The following PAIP1 variants were observed in gnomAD, a reference collection of about 807,000 sequenced individuals.
PAIP1 encodes poly(A) binding protein interacting protein 1, also known as polyadenylate-binding protein-interacting protein 1.
PAIP1 carries 16 observed loss-of-function variants against 61.3 expected under a neutral mutation model. The ratio of observed to expected loss-of-function variants is 0.26; its 90% confidence interval spans 0.18 to 0.40. The LOEUF (loss-of-function observed/expected upper bound fraction) is 0.40, where lower values mean the gene tolerates loss of function less well. Among genes scored for constraint, PAIP1 ranks in the 10% least tolerant of loss-of-function variants. PAIP1 has a pLI of 1.00. For synonymous variants in PAIP1, 187 were observed against 226.2 expected (o/e 0.83, Z 1.56); for missense variants, 416 against 600.9 (o/e 0.69, Z 3.22).
chr5:43,556,359 G>C (rs1748073371), intron 1 of PAIP1: 1 of 1,233,814 alleles, frequency 8.1e-7, no homozygotes, highest in Admixed American at 4.2e-5. Context: ...CCGAGACCGC[G>C]CACCCGGCCC....
intron 8 of PAIP1, among the ~76,000 whole-genome samples, chr5:43,534,260 C>T (rs902567329): frequency 4.0e-5 from 6 of 151,726 alleles, no homozygotes; most frequent in East Asian, 1.9e-4. Flanking sequence ...AGTGCAATGG[C>T]GTGATTTCAG....
chr5:43,542,641 A>T (rs1472660802), intron 4 of PAIP1, among the ~76,000 whole-genome samples: 1 of 152,156 alleles, frequency 6.6e-6, no homozygotes, highest in Non-Finnish European at 1.5e-5. Flanking sequence ...CAAAACCCAA[A>T]TAATGCAAGT....
At chr5:43,548,496 C>T (rs1206335041) in intron 2 of PAIP1, among the ~76,000 whole-genome samples, 1 of 152,092 alleles carries the variant, frequency 6.6e-6, no homozygotes, top group Non-Finnish European at 1.5e-5. Context: ...AATTTCATCA[C>T]GGTATAAATG....
intron 6 of PAIP1, 86 bp downstream of exon 6, chr5:43,536,733 G>T: frequency 3.4e-6 from 2 of 590,350 alleles, no homozygotes; most frequent in Non-Finnish European, 5.7e-6. Context: ...GATAAATCTT[G>T]AATTCATCTG....
intron 2 of PAIP1, among the ~76,000 whole-genome samples, chr5:43,550,217 C>T (rs1747807599): frequency 6.6e-6 from 1 of 152,030 alleles, no homozygotes; most frequent in South Asian, 2.1e-4. Flanking sequence ...GTTAAACATT[C>T]TACTATAATA....
chr5:43,537,417 G>A (rs1385966671), intron 5 of PAIP1, among the ~76,000 whole-genome samples: 1 of 152,052 alleles, frequency 6.6e-6, no homozygotes, highest in African/African-American at 2.4e-5. Context: ...ATGCTCAACA[G>A]TATTTATTTT....
At position 43,529,771 on chromosome 5, in the gene PAIP1, C is replaced by A. The variant is rs79500717; in HGVS notation, c.1346+15G>T. On this transcript the variant is annotated intron_variant, in intron 10 of 10. Transcript: ENST00000306846. Reference sequence around the variant, plus strand: ...CACAGAAATTTCACGAAGTTAGTAACTGAAGAAAACTTACGGATCACCAGC... The same window carrying A: ...CACAGAAATTTCACGAAGTTAGTAAATGAAGAAAACTTACGGATCACCAGC... 1 of 1,352,130 alleles carries A rather than the reference C, an allele frequency of 7.4e-7. No homozygotes were observed. Among genetic ancestry groups the A allele is most frequent in the Non-Finnish European group, 1.1e-6 (1 of 942,446 alleles). 83.8% of individuals were successfully genotyped at this position (1,352,130 alleles called of 1,614,324 possible).
At chr5:43,545,474 T>C (rs1040447432) in intron 3 of PAIP1, among the ~76,000 whole-genome samples, 10 of 152,254 alleles carry the variant, frequency 6.6e-5, no homozygotes, top group African/African-American at 2.4e-4. Flanking sequence ...AAGATCTGGA[T>C]GGTCTAACTT....
In PAIP1 at chr5:43,556,818, C is replaced by A; in HGVS notation, c.29G>T (p.Gly10Val). 6 of 1,453,570 alleles carry A rather than the reference C, an allele frequency of 4.1e-6. No homozygotes were observed. The highest frequency in any genetic ancestry group is 5.4e-6 in the Non-Finnish European group (6 of 1,105,494). 90.0% of individuals were successfully genotyped at this position (1,453,570 alleles called of 1,614,324 possible). A position where few individuals can be genotyped will look rare whatever the true frequency, so the allele number is the denominator to read the frequency against. ...GCCCCGGCTCCGGCCCCGACCAGCACCTGGGGCCCGATCGAAACCGTCCGA... is the reference window on the plus strand; with the variant it reads ...GCCCCGGCTCCGGCCCCGACCAGCAACTGGGGCCCGATCGAAACCGTCCGA... Reference protein sequence around the residue: MSDGFDRAPGAGRGRSRGLG... With the variant: MSDGFDRAPVAGRGRSRGLG... Residue 10 changes from glycine (G) to valine (V), a missense_variant, in exon 1 of 11, where the codon GGT becomes GTT. Physicochemically the swap from Gly to Val is moderately radical, Grantham distance 109. Coordinates refer to ENST00000306846, the MANE Select transcript of PAIP1 (RefSeq NM_006451.5).
rs774110163 is a variant in PAIP1, at chr5:43,533,721, A to G, written c.1252+17T>C. 7 of 1,516,918 alleles carry G rather than the reference A, an allele frequency of 4.6e-6. No individual in the cohort carries two copies. Among genetic ancestry groups the G allele is most frequent in the Admixed American group, 1.7e-5 (1 of 59,890 alleles). The allele number at this position is 1,516,918 out of a possible 1,614,324, so 94.0% of individuals were successfully genotyped here. A position where few individuals can be genotyped will look rare whatever the true frequency, so the allele number is the denominator to read the frequency against. On this transcript the variant is annotated intron_variant, in intron 9 of 10. Transcript: ENST00000306846. ...ACCAAACAACTGGGAGGAGGGAATGACTGTGAGACAACATACCTGGATCAG... is the reference window on the plus strand; with the variant it reads ...ACCAAACAACTGGGAGGAGGGAATGGCTGTGAGACAACATACCTGGATCAG...
At chr5:43,547,357 GGT>G (rs1747682268) in intron 3 of PAIP1, among the ~76,000 whole-genome samples, 1 of 152,016 alleles carries the variant, frequency 6.6e-6, no homozygotes, top group Non-Finnish European at 1.5e-5. Context: ...AGTCTTTTCT[GGT>G]ACTGCTAATT....
chr5:43,549,572 T>C (rs565280217), intron 2 of PAIP1, among the ~76,000 whole-genome samples: 1 of 152,260 alleles, frequency 6.6e-6, no homozygotes, highest in Admixed American at 6.5e-5. Context: ...TTCCCAGCCT[T>C]GTGGAACTGT....
chr5:43,531,093 G>T (rs1209113566), intron 9 of PAIP1, among the ~76,000 whole-genome samples: 1 of 152,022 alleles, frequency 6.6e-6, no homozygotes, highest in African/African-American at 2.4e-5. Flanking sequence ...TGTCTGCCTG[G>T]GTTTGGAATA....
chr5:43,556,885 C>G lies in PAIP1; in HGVS notation c.-39G>C, dbSNP rs1400953283. ...CGCCTCCTCCTCCAGGGGCCGCTGC[C>G]GCTGCGCTCGCGATAGGACGCGGGG... On this transcript the variant is annotated 5_prime_UTR_variant, in exon 1 of 11. Transcript: ENST00000306846. 1.5e-6 allele frequency: 2 copies of G among 1,362,386 alleles called. No homozygotes were observed. The highest frequency in any genetic ancestry group is 7.9e-5 in the Admixed American group (2 of 25,454). 84.4% of individuals were successfully genotyped at this position (1,362,386 alleles called of 1,614,324 possible).
chr5:43,547,095 G>A (rs1240571141), intron 3 of PAIP1, among the ~76,000 whole-genome samples: 4 of 132,572 alleles, frequency 3.0e-5, no homozygotes, highest in African/African-American at 8.6e-5. Flanking sequence ...TGACCAATAT[G>A]CTGGGATAAA....
At chr5:43,548,779 C>A (rs1315574454) in intron 2 of PAIP1, among the ~76,000 whole-genome samples, 1 of 152,112 alleles carries the variant, frequency 6.6e-6, no homozygotes, top group Non-Finnish European at 1.5e-5. Context: ...TGAAATTTAA[C>A]CTTCTCCAAA....
At chr5:43,556,500 G>C in intron 1 of PAIP1, 82 bp downstream of exon 1, 1 of 1,211,484 alleles carries the variant, frequency 8.3e-7, no homozygotes, top group Non-Finnish European at 1.0e-6. Context: ...ACCGCAGACA[G>C]CGCGTCGGGC....
At chr5:43,556,404 G>C in intron 1 of PAIP1, 178 bp downstream of exon 1, 1 of 1,229,418 alleles carries the variant, frequency 8.1e-7, no homozygotes, top group Non-Finnish European at 1.0e-6. Context: ...GATTCCAGCA[G>C]ACACCTTCCA....
intron 3 of PAIP1, among the ~76,000 whole-genome samples, chr5:43,543,636 A>T (rs1009228260): frequency 1.8e-4 from 28 of 152,162 alleles, no homozygotes; most frequent in Middle Eastern, 3.4e-3. Context: ...AGCAACTAAC[A>T]CTTAAACACT....
Sources: gnomAD v4.1 joint callset for allele counts (sites outside exome capture counted in the v4.1 genomes callset) on GRCh38, gnomAD v4.1.1 for gene constraint, MANE v1.5 for transcripts, NCBI Gene and HGNC (gene_info 2026-07-23, HGNC 2026-07-21) for gene names.